MED12L: variants seen among roughly 807,000 people sequenced by gnomAD.
The protein encoded by MED12L is mediator complex subunit 12L.
A neutral mutation model predicts 281.3 loss-of-function variants in MED12L; 60 were observed. That is an observed-to-expected ratio of 0.21 (90% CI 0.17 to 0.26). MED12L has a LOEUF of 0.26. Ranked by LOEUF, MED12L falls within the 10% of genes least tolerant of loss-of-function variation. MED12L has a pLI of 1.00. For synonymous variants in MED12L, 974 were observed against 987.2 expected, an observed-to-expected ratio of 0.99 and a Z score of 0.25; for missense variants, 2,146 against 2,680.9, an observed-to-expected ratio of 0.80 and a Z score of 4.41.
At chr3:151,342,858 A>G (rs1325159573) in intron 16 of MED12L, among the ~76,000 whole-genome samples, 1 of 152,268 alleles carries the variant, frequency 6.6e-6, no homozygotes, top group East Asian at 1.9e-4. Context: ...TCAATATTTA[A>G]TTTCTTACAC....
Position 151,350,062 on chromosome 3 carries a change from G to C in MED12L, c.2254G>C (p.Glu752Gln). The C allele has an allele frequency of 6.2e-7, 1 of 1,606,810 alleles. No individual in the cohort carries two copies. Among genetic ancestry groups the C allele is most frequent in the Non-Finnish European group, 8.5e-7 (1 of 1,175,690 alleles). The change falls in exon 17 of 45, where the codon GAA becomes CAA. Residue 752 changes from glutamate (E) to glutamine (Q), a missense_variant. Transcript: ENST00000687756. ...GAATGCATTTTCTGTTTTTCAGGAT[G>C]AATCTTCAAGTCATGAATGTAACCA... The part of the protein sequence containing the change: ...YATHFPIPLD[E>Q]SSSHECNQRT...
chr3:151,424,696 A>G (rs1241319358), intron 43 of MED12L, among the ~76,000 whole-genome samples: 1 of 152,192 alleles, frequency 6.6e-6, no homozygotes, highest in African/African-American at 2.4e-5. Context: ...CACACAAAAA[A>G]TTCTGAAACA....
At chr3:151,411,130 C>G (rs1401763272) in intron 40 of MED12L, 148 bp from the exon 41 acceptor site, 4 of 646,228 alleles carry the variant, frequency 6.2e-6, no homozygotes, top group South Asian at 3.8e-5. Flanking sequence ...CAGGGTAGTC[C>G]TCCTCAAATT....
At chr3:151,093,892 C>G (rs1405214217) in intron 2 of MED12L, among the ~76,000 whole-genome samples, 2 of 152,198 alleles carry the variant, frequency 1.3e-5, no homozygotes. Context: ...CAACCACTGT[C>G]CTTTAGCCTG....
In MED12L at chr3:151,208,706, T is replaced by A. The variant is rs553701716; in HGVS notation, c.2250+15040T>A. Among the ~76,000 whole-genome samples, 3 of 151,958 alleles carry A rather than the reference T, an allele frequency of 2.0e-5. No individual in the cohort carries two copies. In the East Asian group the frequency reaches 5.8e-4, roughly 29 times the overall value. The stretch of plus-strand genomic sequence containing the variant: ...AAAAAGAAAACAGAAAAATCAAGAA[T>A]TTAAGTAATATGTAATATTGTATGG... On this transcript the variant is annotated intron_variant, in intron 16 of 44. Coordinates refer to ENST00000687756, the MANE Select transcript of MED12L (RefSeq NM_001393769.1).
intron 24 of MED12L, 111 bp downstream of exon 24, chr3:151,367,877 G>A: frequency 8.1e-7 from 1 of 1,235,212 alleles, no homozygotes; most frequent in East Asian, 2.4e-5. Flanking sequence ...ATATTGGGAA[G>A]TGGTGTAGTA....
At chr3:151,371,438 C>T (rs7637803) in intron 26 of MED12L, among the ~76,000 whole-genome samples, 35,574 of 152,108 alleles carry the variant, frequency 0.23, 4,517 homozygotes, top group Middle Eastern at 0.37. Context: ...TAAAGTGAAG[C>T]TGGTACTCTT....
Position 151,436,148 on chromosome 3 carries a change from C to T in MED12L, c.*3344C>T, listed in dbSNP as rs1045194085. The T allele has an allele frequency of 1.3e-5, 2 of 152,204 alleles. No individual in the cohort carries two copies. The highest frequency in any genetic ancestry group is 2.9e-5 in the Non-Finnish European group (2 of 68,098). 9.4% of individuals were successfully genotyped at this position (152,204 alleles called of 1,614,324 possible). ...ATTAAAACATTTTTGTATTCCCCAT[C>T]AATGAAAATTTTCAGTGTGAACAAA... On this transcript the variant is annotated 3_prime_UTR_variant, in exon 45 of 45. Coordinates refer to ENST00000687756, the MANE Select transcript of MED12L (RefSeq NM_001393769.1).
chr3:151,194,096 G>T (rs9917648), intron 16 of MED12L, among the ~76,000 whole-genome samples: 2,840 of 151,342 alleles, frequency 0.019, 86 homozygotes, highest in African/African-American at 0.065. Context: ...CTCCCGAGTA[G>T]CTGGGATTAC....
At chr3:151,128,820 C>G (rs1387730707) in intron 5 of MED12L, among the ~76,000 whole-genome samples, 1 of 152,190 alleles carries the variant, frequency 6.6e-6, no homozygotes, top group East Asian at 1.9e-4. Flanking sequence ...ATCTGTCACT[C>G]TGTGCCCCAC....
chr3:151,118,958 A>G (rs1294210199), intron 3 of MED12L, among the ~76,000 whole-genome samples: 4 of 152,190 alleles, frequency 2.6e-5, no homozygotes, highest in Non-Finnish European at 5.9e-5. Flanking sequence ...AAGTGCTGGG[A>G]TTACAGATGT....
chr3:151,246,178 G>A (rs1303597454), intron 16 of MED12L, among the ~76,000 whole-genome samples: 2 of 152,168 alleles, frequency 1.3e-5, no homozygotes, highest in African/African-American at 4.8e-5. Context: ...TAAATATCGT[G>A]AAAATGGCCA....
At chr3:151,356,644 T>G (rs901045417) in intron 19 of MED12L, among the ~76,000 whole-genome samples, 4 of 152,140 alleles carry the variant, frequency 2.6e-5, no homozygotes, top group African/African-American at 9.7e-5. Context: ...TTGTTGTTGT[T>G]GTTTTTCTTT....
intron 39 of MED12L, among the ~76,000 whole-genome samples, chr3:151,398,935 TGTC>T (rs1715308867): frequency 6.6e-6 from 1 of 152,186 alleles, no homozygotes; most frequent in African/African-American, 2.4e-5. Context: ...AACATGTAAA[TGTC>T]GTCTTTTTCA....
intron 5 of MED12L, among the ~76,000 whole-genome samples, chr3:151,142,777 CA>C (rs1424692001): frequency 4.0e-5 from 6 of 150,570 alleles, no homozygotes; most frequent in Admixed American, 6.6e-5. Context: ...TTTATTTTTG[CA>C]ATTTGCACTG....
intron 43 of MED12L, chr3:151,425,864 A>C: frequency 2.4e-6 from 1 of 412,362 alleles, no homozygotes; most frequent in East Asian, 7.3e-5. Context: ...TGATAACTTC[A>C]GCTGATCTTT....
intron 16 of MED12L, among the ~76,000 whole-genome samples, chr3:151,271,984 G>A (rs972841452): frequency 6.6e-6 from 1 of 152,178 alleles, no homozygotes; most frequent in African/African-American, 2.4e-5. Context: ...TTCATTTATT[G>A]TATGTGGTTT....
intron 2 of MED12L, among the ~76,000 whole-genome samples, chr3:151,088,352 C>G (rs552153407): frequency 1.2e-3 from 179 of 152,248 alleles, no homozygotes; most frequent in African/African-American, 3.5e-3. Context: ...CCCGTTACCC[C>G]ACCCTGCTAC....
intron 12 of MED12L, among the ~76,000 whole-genome samples, chr3:151,186,618 C>A (rs1027046642): frequency 1.2e-4 from 18 of 152,200 alleles, no homozygotes; most frequent in African/African-American, 4.3e-4. Context: ...CAGCCTCTTC[C>A]TGGCATTCCC....
Sources: gnomAD v4.1 joint callset for allele counts (sites outside exome capture counted in the v4.1 genomes callset) on GRCh38, gnomAD v4.1.1 for gene constraint, MANE v1.5 for transcripts, NCBI Gene and HGNC (gene_info 2026-07-23, HGNC 2026-07-21) for gene names.